The following SVOPL variants were observed in gnomAD, a reference collection of about 807,000 sequenced individuals.
SVOPL encodes SVOP like.
A neutral mutation model predicts 61.0 loss-of-function variants in SVOPL; 60 were observed. The observed-to-expected ratio is 0.98, with a 90% CI of 0.80 to 1.22. The LOEUF (loss-of-function observed/expected upper bound fraction) is 1.22. Among genes scored for constraint, SVOPL ranks in the 50% most tolerant of loss-of-function variants. The probability of loss-of-function intolerance (pLI) is 0.00; values close to 1 mark genes in which losing one functional copy is unlikely to be tolerated. For synonymous variants in SVOPL, 279 were observed against 250.0 expected, an observed-to-expected ratio of 1.12 and a Z score of -1.09; for missense variants, 662 against 643.9, an observed-to-expected ratio of 1.03 and a Z score of -0.30.
intron 4 of SVOPL, chr7:138,664,149 T>C: frequency 1.1e-6 from 1 of 924,466 alleles, no homozygotes; most frequent in Non-Finnish European, 1.3e-6. Context: ...CCCCCAACGA[T>C]CCTCAGTGGT....
intron 3 of SVOPL, among the ~76,000 whole-genome samples, chr7:138,677,766 A>AT (rs1192974084): frequency 1.7e-3 from 148 of 89,288 alleles, no homozygotes; most frequent in African/African-American, 5.2e-3. Flanking sequence ...TTTTCATTTT[A>AT]TTATTTTTTT....
chr7:138,627,607 T>G (rs1799950396), intron 11 of SVOPL, 146 bp from the exon 12 acceptor site: 1 of 633,044 alleles, frequency 1.6e-6, no homozygotes, highest in Non-Finnish European at 2.8e-6. Flanking sequence ...TCCAGTCACG[T>G]TGTCATCAAT....
At chr7:138,596,686 C>A in intron 14 of SVOPL, 156 bp from the exon 15 acceptor site, 1 of 1,371,876 alleles carries the variant, frequency 7.3e-7, no homozygotes, top group Admixed American at 2.9e-5. Context: ...TTATCTGAGC[C>A]AATCTGGTGT....
At chr7:138,674,683 T>C (rs896167079) in intron 3 of SVOPL, among the ~76,000 whole-genome samples, 5 of 151,662 alleles carry the variant, frequency 3.3e-5, no homozygotes, top group Admixed American at 2.0e-4. Flanking sequence ...GGTGAAACCC[T>C]GTCTCTACTA....
intron 9 of SVOPL, among the ~76,000 whole-genome samples, chr7:138,636,240 T>A (rs902797473): frequency 2.0e-5 from 3 of 152,130 alleles, no homozygotes; most frequent in Non-Finnish European, 4.4e-5. Context: ...AAAATAATAA[T>A]TTTTAAAATT....
intron 14 of SVOPL, among the ~76,000 whole-genome samples, chr7:138,620,042 G>A (rs1038280211): frequency 2.0e-5 from 3 of 151,840 alleles, no homozygotes; most frequent in East Asian, 1.9e-4. Context: ...GACTGGGCTC[G>A]GCCTCATTCC....
chr7:138,620,093 T>G (rs1420267255), intron 14 of SVOPL, among the ~76,000 whole-genome samples: 1 of 150,198 alleles, frequency 6.7e-6, no homozygotes, highest in African/African-American at 2.4e-5. Flanking sequence ...GATTTCTGTT[T>G]TTTTTTTCTT....
chr7:138,628,529 T>C (rs930068397), intron 10 of SVOPL, among the ~76,000 whole-genome samples, 166 bp from the exon 11 acceptor site: 2 of 152,216 alleles, frequency 1.3e-5, no homozygotes, highest in Non-Finnish European at 2.9e-5. Flanking sequence ...TTACACATCA[T>C]ACAGATGTAC....
intron 14 of SVOPL, among the ~76,000 whole-genome samples, chr7:138,615,711 T>C (rs62485292): frequency 2.2e-5 from 1 of 45,184 alleles, no homozygotes; most frequent in Non-Finnish European, 6.1e-5. Flanking sequence ...AGGAGAACTG[T>C]TTGAACCTGG....
intron 1 of SVOPL, among the ~76,000 whole-genome samples, chr7:138,698,106 G>C (rs930396288): frequency 1.1e-4 from 17 of 151,116 alleles, no homozygotes. Context: ...GAAAGGAAGG[G>C]ATGAGGGAAG....
chr7:138,628,304 C>T lies in SVOPL; in HGVS notation c.923G>A (p.Arg308Gln), dbSNP rs761526967. ...TGACTTTGAACCACAGACCAAGTCC[C>T]GCTCCAGCAGCTCAGCACTGGCCAG... ...VILASAELLE[R>Q]DLVCGSKSDS... The change falls in exon 11 of 16, where the codon CGG becomes CAG. Residue 308 changes from arginine to glutamine, a missense_variant. By Grantham distance (43) the Arg-to-Gln change is conservative (BLOSUM62 1). Transcript: ENST00000674285. 19 of 1,614,054 alleles carry T rather than the reference C, an allele frequency of 1.2e-5. No homozygotes were observed. The highest frequency in any genetic ancestry group is 4.5e-5 in the East Asian group (2 of 44,892).
chr7:138,693,639 G>A (rs1000191019), intron 1 of SVOPL, among the ~76,000 whole-genome samples: 1 of 150,174 alleles, frequency 6.7e-6, no homozygotes, highest in African/African-American at 2.5e-5. Flanking sequence ...AGAAAGAAGG[G>A]AGGGAGGGAA....
intron 14 of SVOPL, among the ~76,000 whole-genome samples, chr7:138,611,857 T>C (rs1382798678): frequency 1.7e-4 from 13 of 76,218 alleles, no homozygotes; most frequent in South Asian, 6.0e-4. Context: ...GTGCCGAGAT[T>C]GCAGCCTCTG....
intron 1 of SVOPL, among the ~76,000 whole-genome samples, chr7:138,700,350 T>TTC (rs1352479869): frequency 9.5e-4 from 140 of 147,328 alleles, no homozygotes; most frequent in African/African-American, 3.2e-3. Flanking sequence ...TTTTTTTTTT[T>TTC]TTTTTTGAGA....
chr7:138,632,932 T>C (rs990448997), intron 9 of SVOPL, among the ~76,000 whole-genome samples: 2 of 152,212 alleles, frequency 1.3e-5, no homozygotes, highest in African/African-American at 2.4e-5. Flanking sequence ...TTTTTGCAAC[T>C]GTTTTTACTG....
At chr7:138,651,086 T>G (rs576746965) in intron 7 of SVOPL, among the ~76,000 whole-genome samples, 14 of 151,818 alleles carry the variant, frequency 9.2e-5, no homozygotes, top group African/African-American at 2.9e-4. Flanking sequence ...TTTGGCACAT[T>G]CCCTCAGGTA....
chr7:138,678,253 G>A (rs941900000), intron 3 of SVOPL, among the ~76,000 whole-genome samples, 181 bp downstream of exon 3: 1 of 151,200 alleles, frequency 6.6e-6, no homozygotes, highest in Non-Finnish European at 1.5e-5. Flanking sequence ...TTTCTTAAAT[G>A]TATTTGATGG....
Position 138,596,083 on chromosome 7 carries a change from G to T in SVOPL, c.1467+334C>A, listed in dbSNP as rs192630138. Among the ~76,000 whole-genome samples, 206 of 151,772 alleles carry T rather than the reference G, an allele frequency of 1.4e-3. 2 individuals are homozygous for T. Among genetic ancestry groups the T allele is most frequent in the African/African-American group, 4.6e-3 (189 of 41,382 alleles). The stretch of plus-strand genomic sequence containing the variant: ...ACGTGCATGTAGTCCCAGCTACTTG[G>T]GAGGCTGAGGCAGGAGAAGCACTTA... On this transcript the variant is annotated intron_variant, in intron 15 of 15. Transcript: ENST00000674285.
intron 1 of SVOPL, among the ~76,000 whole-genome samples, chr7:138,680,250 A>G (rs1333850728): frequency 6.7e-6 from 1 of 148,672 alleles, no homozygotes; most frequent in Non-Finnish European, 1.5e-5. Context: ...GCTCACTGCA[A>G]CCTCCGCCTA....
Sources: gnomAD v4.1 joint callset for allele counts (sites outside exome capture counted in the v4.1 genomes callset) on GRCh38, gnomAD v4.1.1 for gene constraint, MANE v1.5 for transcripts, NCBI Gene and HGNC (gene_info 2026-07-23, HGNC 2026-07-21) for gene names.